Variants in SINHCAF observed in about 807,000 individuals in gnomAD.
SINHCAF encodes the protein SIN3-HDAC complex associated factor.
SINHCAF carries 3 observed loss-of-function variants against 25.8 expected under a neutral mutation model. The observed-to-expected ratio is 0.12, with a 90% CI of 0.05 to 0.30. SINHCAF has a LOEUF of 0.30. Ranked by LOEUF, SINHCAF falls within the 10% of genes least tolerant of loss-of-function variation. SINHCAF has a pLI of 1.00. For missense variants in SINHCAF, 121 were observed against 262.3 expected (o/e 0.46, Z 3.72); for synonymous variants, 70 against 85.5 (o/e 0.82, Z 1.00).
chr12:31,289,689 C>G (rs1938224226), intron 4 of SINHCAF, among the ~76,000 whole-genome samples: 1 of 151,996 alleles, frequency 6.6e-6, no homozygotes, highest in Non-Finnish European at 1.5e-5. Context: ...GACACGTTGA[C>G]AGAGCAATCC....
intron 1 of SINHCAF, among the ~76,000 whole-genome samples, chr12:31,310,154 C>G (rs1255603002): frequency 2.0e-5 from 3 of 152,172 alleles, no homozygotes; most frequent in Non-Finnish European, 2.9e-5. Context: ...CTAAGGGTAT[C>G]ACATTCACAG....
intron 5 of SINHCAF, among the ~76,000 whole-genome samples, chr12:31,285,974 CA>C (rs34769347): frequency 0.027 from 2,055 of 77,466 alleles, 32 homozygotes; most frequent in African/African-American, 0.069. Flanking sequence ...AACTCTGTCT[CA>C]AAAAAAAAAA....
At chr12:31,307,033 T>A (rs1268263471) in intron 1 of SINHCAF, among the ~76,000 whole-genome samples, 1 of 152,178 alleles carries the variant, frequency 6.6e-6, no homozygotes, top group Non-Finnish European at 1.5e-5. Context: ...TTCTTGTAGG[T>A]CTGTCCTTGG....
chr12:31,300,436 T>C (rs1555113919), intron 1 of SINHCAF, among the ~76,000 whole-genome samples: 1 of 152,050 alleles, frequency 6.6e-6, no homozygotes, highest in East Asian at 1.9e-4. Context: ...AGAACTGTTT[T>C]AAAAAAAACA....
At chr12:31,308,171 C>G (rs891994066) in intron 1 of SINHCAF, among the ~76,000 whole-genome samples, 3 of 152,178 alleles carry the variant, frequency 2.0e-5, no homozygotes, top group Admixed American at 2.0e-4. Flanking sequence ...GAACGCCTAG[C>G]CACAAGTATC....
At position 31,317,229 on chromosome 12, in the gene SINHCAF, T is replaced by TTTCC. The variant is rs1322308656; in HGVS notation, c.-21+8794_-21+8795insGGAA. Among the ~76,000 whole-genome samples the TTTCC allele has an allele frequency of 2.0e-5, 3 of 152,152 alleles. No homozygotes were observed. The East Asian group carries it at 5.8e-4, about 29-fold the overall frequency. ...GAACTGAAATTCTGATATGCACAAA[T>TTTCC]TAGGGGAACAACCTCCCAAATGAAA... is the stretch of plus-strand genomic sequence containing the variant. On this transcript the variant is annotated intron_variant, in intron 1 of 5. Transcript: ENST00000337682.
At position 31,291,193 on chromosome 12, in the gene SINHCAF, T is replaced by C. The variant is rs183953742; in HGVS notation, c.355+2612A>G. 2.1e-4 allele frequency among the ~76,000 whole-genome samples: 32 copies of C among 152,302 alleles called. No homozygotes were observed. The East Asian group carries it at 5.0e-3, about 24-fold the overall frequency. ...ACAAAAATAGGACCTTCAAACACTT[T>C]CTAGGAATTCTCAACCATATTTTAT... is the stretch of plus-strand genomic sequence containing the variant. On this transcript the variant is annotated intron_variant, in intron 4 of 5. Coordinates refer to ENST00000337682, the MANE Select transcript of SINHCAF (RefSeq NM_001135812.2).
intron 1 of SINHCAF, chr12:31,312,055 G>C (rs1233885766): frequency 1.9e-6 from 1 of 534,760 alleles, no homozygotes; most frequent in African/African-American, 1.9e-5. Flanking sequence ...GGTACCAGCA[G>C]TCTACAGGTG....
chr12:31,288,869 C>T (rs1342496276), intron 4 of SINHCAF, among the ~76,000 whole-genome samples: 1 of 151,928 alleles, frequency 6.6e-6, no homozygotes. Flanking sequence ...TTAAAGCAGC[C>T]ACGACAAAAA....
chr12:31,316,865 C>T (rs1939514032), intron 1 of SINHCAF, among the ~76,000 whole-genome samples: 1 of 152,096 alleles, frequency 6.6e-6, no homozygotes, highest in African/African-American at 2.4e-5. Flanking sequence ...TTTAATTCAA[C>T]TATTTTCTTG....
At chr12:31,323,146 CTGA>C (rs1277579445) in intron 1 of SINHCAF, among the ~76,000 whole-genome samples, 12 of 152,166 alleles carry the variant, frequency 7.9e-5, no homozygotes, top group Admixed American at 3.9e-4. Context: ...TCCTAAGGCA[CTGA>C]ATAACCACCA....
intron 1 of SINHCAF, among the ~76,000 whole-genome samples, chr12:31,322,229 C>A (rs1434867700): frequency 6.6e-6 from 1 of 152,184 alleles, no homozygotes; most frequent in Non-Finnish European, 1.5e-5. Context: ...TGTTTTACAT[C>A]ATCTAATTAG....
chr12:31,295,109 T>A lies in SINHCAF; in HGVS notation c.228+125A>T, dbSNP rs766998317. On this transcript the variant is annotated intron_variant, in intron 3 of 5. Coordinates refer to ENST00000337682, the MANE Select transcript of SINHCAF (RefSeq NM_001135812.2). ...GCCATTATATCTGAACAGCAGCTAG[T>A]GTTTTTCTTTATTCTTTTCAGACTT... The A allele has an allele frequency of 1.6e-5, 10 of 628,910 alleles. No homozygotes were observed. In the African/African-American group the frequency reaches 1.7e-4, roughly 11 times the overall value. The allele number at this position is 628,910 out of a possible 1,614,324, so 39.0% of individuals were successfully genotyped here. A position where few individuals can be genotyped will look rare whatever the true frequency, so the allele number is the denominator to read the frequency against.
At chr12:31,315,686 A>C (rs1939469952) in intron 1 of SINHCAF, among the ~76,000 whole-genome samples, 1 of 152,204 alleles carries the variant, frequency 6.6e-6, no homozygotes, top group Non-Finnish European at 1.5e-5. Flanking sequence ...AGAAATTTAG[A>C]GGAGGACTGT....
rs1398937081 is a variant in SINHCAF at position 31,312,031 on chromosome 12, A to G, written c.-20-13807T>C. ...GCTGGCAAAGGAGAAGTAACTTTTGATCAGAAAGAGGATGGTACCAGCAGT... is the reference window on the plus strand; with the variant it reads ...GCTGGCAAAGGAGAAGTAACTTTTGGTCAGAAAGAGGATGGTACCAGCAGT... On this transcript the variant is annotated intron_variant, in intron 1 of 5. Coordinates refer to ENST00000337682, the MANE Select transcript of SINHCAF (RefSeq NM_001135812.2). The G allele has an allele frequency of 6.4e-6, 4 of 623,584 alleles. No individual in the cohort carries two copies. The East Asian group carries it at 1.8e-4, about 28-fold the overall frequency. The allele number at this position is 623,584 out of a possible 1,614,324, so 38.6% of individuals were successfully genotyped here.
intron 1 of SINHCAF, chr12:31,303,040 G>T: frequency 1.0e-6 from 1 of 984,436 alleles, no homozygotes; most frequent in Non-Finnish European, 1.2e-6. Context: ...TTTTCTTAAG[G>T]TCCCTGAAAT....
At chr12:31,297,529 G>C (rs892954833) in intron 2 of SINHCAF, among the ~76,000 whole-genome samples, 1 of 140,214 alleles carries the variant, frequency 7.1e-6, no homozygotes, top group Non-Finnish European at 1.5e-5. Flanking sequence ...CTGGAGTGCA[G>C]TGGCGTGATC....
At chr12:31,316,890 T>C (rs1381173547) in intron 1 of SINHCAF, among the ~76,000 whole-genome samples, 1 of 152,218 alleles carries the variant, frequency 6.6e-6, no homozygotes, top group East Asian at 1.9e-4. Flanking sequence ...TTTAAATCTT[T>C]ATAAGGGTGT....
At chr12:31,298,045 C>A (rs765583022) in intron 2 of SINHCAF, 32 bp downstream of exon 2, 1 of 1,606,088 alleles carries the variant, frequency 6.2e-7, no homozygotes, top group East Asian at 2.2e-5. Flanking sequence ...TTTTTTCACT[C>A]TAAGAATAGT....
Sources: gnomAD v4.1 joint callset for allele counts (sites outside exome capture counted in the v4.1 genomes callset) on GRCh38, gnomAD v4.1.1 for gene constraint, MANE v1.5 for transcripts, NCBI Gene and HGNC (gene_info 2026-07-23, HGNC 2026-07-21) for gene names.